Variants in RSPH14 observed in about 807,000 individuals in gnomAD.
RSPH14 encodes the protein radial spoke head 14 homolog.
In RSPH14, 20 loss-of-function variants were observed where a neutral mutation model predicts 26.7. The ratio of observed to expected loss-of-function variants is 0.75; its 90% confidence interval spans 0.53 to 1.09. The LOEUF (loss-of-function observed/expected upper bound fraction) is 1.09, where lower values mean the gene tolerates loss of function less well. Among genes scored for constraint, RSPH14 ranks in the 50% least tolerant of loss-of-function variants. The pLI, the probability that RSPH14 is intolerant of heterozygous loss-of-function variation, is 0.00. For synonymous variants in RSPH14, 177 were observed against 189.3 expected (o/e 0.93, Z 0.53); for missense variants, 449 against 457.2 (o/e 0.98, Z 0.16).
At chr22:23,142,173 G>T, upstream of RSPH14, 1 of 271,090 alleles carries the variant, frequency 3.7e-6, no homozygotes, top group Non-Finnish European at 5.7e-6. Context: ...GCTCAGCTTT[G>T]TTCAAAGTAC....
chr22:23,101,842 A>T (rs2069310436), intron 4 of RSPH14, among the ~76,000 whole-genome samples: 1 of 152,194 alleles, frequency 6.6e-6, no homozygotes, highest in Non-Finnish European at 1.5e-5. Flanking sequence ...TGGGAGACAC[A>T]GAGGACCAAG....
At chr22:23,172,340 C>T in the RSPH14 span, among the ~76,000 whole-genome samples, 6 of 140,334 alleles carry the variant, frequency 4.3e-5, no homozygotes, top group African/African-American at 1.3e-4. Context: ...TGCTTGAATC[C>T]GGGAGGTGGA....
chr22:23,091,702 C>T (rs1352226896), intron 4 of RSPH14, among the ~76,000 whole-genome samples: 1 of 152,208 alleles, frequency 6.6e-6, no homozygotes, highest in East Asian at 1.9e-4. Context: ...ACACACGCAC[C>T]GCAATGGACC....
At chr22:23,123,610 T>C (rs1351438977) in intron 4 of RSPH14, 2 of 598,832 alleles carry the variant, frequency 3.3e-6, no homozygotes, top group East Asian at 5.5e-5. Context: ...TACGGATAGA[T>C]TGCTAGGTAG....
chr22:23,154,139 C>T, the RSPH14 span, among the ~76,000 whole-genome samples: 1 of 152,108 alleles, frequency 6.6e-6, no homozygotes, highest in Admixed American at 6.5e-5. Flanking sequence ...TAGCTTCCCT[C>T]TGCCCCGGCA....
At chr22:23,072,634 C>T (rs1368450015) in intron 4 of RSPH14, among the ~76,000 whole-genome samples, 2 of 152,224 alleles carry the variant, frequency 1.3e-5, no homozygotes, top group Admixed American at 6.5e-5. Context: ...GTTGATGCAG[C>T]GAGAACAGGG....
Position 23,124,214 on chromosome 22 carries a change from G to GTT in RSPH14, c.421+9810_421+9811dup, listed in dbSNP as rs755464439. The GTT allele has an allele frequency of 3.1e-4, 46 of 146,516 alleles. 3 individuals are homozygous for GTT. Among genetic ancestry groups the GTT allele is most frequent in the South Asian group, 7.4e-4 (7 of 9,520 alleles). 9.1% of individuals were successfully genotyped at this position (146,516 alleles called of 1,614,324 possible). On this transcript the variant is annotated intron_variant, in intron 4 of 6. Coordinates refer to ENST00000216036, the MANE Select transcript of RSPH14 (RefSeq NM_014433.3). Reference sequence around the variant, plus strand: ...CATTTTTTTTTTGTTTTGTTTTTTGGTTTTTTTTTTTTTTTGGCCAAATCT... The same window carrying GTT: ...CATTTTTTTTTTGTTTTGTTTTTTGGTTTTTTTTTTTTTTTTTGGCCAAATCT...
chr22:23,145,663 A>G (rs999044974), upstream of RSPH14: 17 of 1,258,302 alleles, frequency 1.4e-5, no homozygotes, highest in Admixed American at 2.6e-4. Context: ...TCCCGCCCCT[A>G]TAACTTGAAA....
chr22:23,089,352 G>A (rs1369870267), intron 4 of RSPH14, among the ~76,000 whole-genome samples: 1 of 152,182 alleles, frequency 6.6e-6, no homozygotes, highest in Non-Finnish European at 1.5e-5. Context: ...ACAGCCTGGA[G>A]GTTACGGGCA....
intron 4 of RSPH14, among the ~76,000 whole-genome samples, chr22:23,131,847 C>A (rs773328578): frequency 6.6e-6 from 1 of 152,148 alleles, no homozygotes; most frequent in Non-Finnish European, 1.5e-5. Context: ...CTCCTGGTGG[C>A]CTGGGAGAGG....
intron 4 of RSPH14, among the ~76,000 whole-genome samples, chr22:23,076,446 C>T (rs2068509553): frequency 6.6e-6 from 1 of 152,202 alleles, no homozygotes; most frequent in African/African-American, 2.4e-5. Context: ...AGAACCCCTG[C>T]TCCAGCTCAA....
At chr22:23,171,842 C>CAAAAAA in the RSPH14 span, among the ~76,000 whole-genome samples, 1 of 30,796 alleles carries the variant, frequency 3.2e-5, no homozygotes, top group African/African-American at 1.7e-4. Flanking sequence ...AACTCTGTCT[C>CAAAAAA]AAAAAAAAAA....
At chr22:23,154,475 A>G in the RSPH14 span, among the ~76,000 whole-genome samples, 5 of 152,248 alleles carry the variant, frequency 3.3e-5, no homozygotes, top group African/African-American at 1.2e-4. Flanking sequence ...AGTCAAGAGC[A>G]AAGGAGGCTG....
the RSPH14 span, among the ~76,000 whole-genome samples, chr22:23,170,200 G>T: frequency 6.6e-6 from 1 of 152,036 alleles, no homozygotes. Flanking sequence ...CCGTTCCTAG[G>T]TATATCCTCC....
upstream of RSPH14, among the ~76,000 whole-genome samples, chr22:23,149,820 G>C (rs190603313): frequency 1.3e-3 from 205 of 152,360 alleles, no homozygotes; most frequent in Non-Finnish European, 3.5e-4. Context: ...TGCGGCCCCA[G>C]GTGAGACACA....
chr22:23,095,560 C>T (rs896680228), intron 4 of RSPH14: 4 of 941,966 alleles, frequency 4.2e-6, no homozygotes, highest in African/African-American at 3.3e-5. Context: ...CAGTGTGGCT[C>T]GGCCTCACCC....
rs577017784 is a variant in RSPH14, at chr22:23,140,330, G to A, written c.91C>T (p.Leu31=). 12 of 1,614,182 alleles carry A rather than the reference G, an allele frequency of 7.4e-6. No homozygotes were observed. In the Admixed American group the frequency reaches 1.0e-4, roughly 13 times the overall value. The change falls in exon 2 of 7, where the codon CTG becomes TTG. Residue 31 remains leucine, a synonymous_variant. Coordinates refer to ENST00000216036, the MANE Select transcript of RSPH14 (RefSeq NM_014433.3). ...TCCTCTGACTGCAGCTCCTCCTTCAGCTTGGGCAGGGCCCGATGGCCATAG... is the reference window on the plus strand; with the variant it reads ...TCCTCTGACTGCAGCTCCTCCTTCAACTTGGGCAGGGCCCGATGGCCATAG... ...TAYGHRALPK[L]KEELQSEDLQ... is the part of the protein sequence containing the mutation.
chr22:23,170,491 G>C, the RSPH14 span, among the ~76,000 whole-genome samples: 2 of 152,060 alleles, frequency 1.3e-5, no homozygotes, highest in African/African-American at 4.8e-5. Context: ...GCTCACACCT[G>C]TAATCCTAGC....
At chr22:23,159,521 G>T in the RSPH14 span, among the ~76,000 whole-genome samples, 1 of 152,244 alleles carries the variant, frequency 6.6e-6, no homozygotes, top group East Asian at 1.9e-4. Context: ...TGCCGTGCTG[G>T]CCTGTTCTCC....
Sources: allele counts gnomAD v4.1 joint callset (sites outside exome capture counted in the v4.1 genomes callset), GRCh38; gene constraint gnomAD v4.1.1; transcripts MANE v1.5; gene names NCBI Gene and HGNC (gene_info 2026-07-23, HGNC 2026-07-21).